Variants in DYM observed in about 807,000 individuals in gnomAD.
DYM encodes the protein dyggve-Melchior-Clausen syndrome protein.
DYM carries 78 observed loss-of-function variants against 93.1 expected under a neutral mutation model. The ratio of observed to expected loss-of-function variants is 0.84; its 90% CI spans 0.70 to 1.01. The LOEUF is 1.01. DYM is among the 50% of genes least tolerant of loss of function. DYM has a pLI of 0.00. For synonymous variants in DYM, 321 were observed against 319.7 expected (o/e 1.00, Z -0.04); for missense variants, 789 against 845.0 (o/e 0.93, Z 0.82).
intron 1 of DYM, among the ~76,000 whole-genome samples, chr18:49,432,328 T>TAA (rs1317359083): frequency 1.6e-5 from 1 of 64,158 alleles, no homozygotes. Context: ...CAAGACTGTC[T>TAA]CAAAAAAAAA....
chr18:49,102,890 C>G (rs2080332326), intron 16 of DYM, among the ~76,000 whole-genome samples: 2 of 152,162 alleles, frequency 1.3e-5, no homozygotes, highest in African/African-American at 4.8e-5. Flanking sequence ...GTGCATGTGT[C>G]TTTATAGCAG....
At chr18:49,364,460 A>G (rs1179316597) in intron 5 of DYM, among the ~76,000 whole-genome samples, 1 of 151,936 alleles carries the variant, frequency 6.6e-6, no homozygotes, top group African/African-American at 2.4e-5. Context: ...AAAAAAAGAA[A>G]GAAAGAAAGA....
chr18:49,195,233 T>A lies in DYM; in HGVS notation c.1625+14318A>T, dbSNP rs2145767140. 2.0e-5 allele frequency among the ~76,000 whole-genome samples: 3 copies of A among 152,368 alleles called. No individual in the cohort carries two copies. The East Asian group carries it at 5.8e-4, about 29-fold the overall frequency. On this transcript the variant is annotated intron_variant, in intron 14 of 17. Transcript: ENST00000675505. ...TTCAGTTCACTGTCTACTCAAAGTA[T>A]CGTGTTACTTTAAAATTAAGTTTTC... is the stretch of plus-strand genomic sequence containing the variant.
At chr18:49,341,922 TTA>T (rs1302452727) in intron 6 of DYM, among the ~76,000 whole-genome samples, 2 of 152,224 alleles carry the variant, frequency 1.3e-5, no homozygotes, top group African/African-American at 4.8e-5. Context: ...CAGCACTGTA[TTA>T]GTTTTACATT....
At position 49,369,047 on chromosome 18, in the gene DYM, C is replaced by T. The variant is rs986198958; in HGVS notation, c.422-5814G>A. ...TGCACAGGCAGAGCCTGCCAAACGGCGGTTCCCACTGGAGGGTTTCGGGCT... is the reference window on the plus strand; with the variant it reads ...TGCACAGGCAGAGCCTGCCAAACGGTGGTTCCCACTGGAGGGTTTCGGGCT... On this transcript the variant is annotated intron_variant, in intron 5 of 17. Transcript: ENST00000675505. 7.9e-5 allele frequency among the ~76,000 whole-genome samples: 12 copies of T among 152,230 alleles called. 1 individual carries two copies. The highest frequency in any genetic ancestry group is 6.5e-5 in the Admixed American group (1 of 15,292).
At chr18:49,091,298 G>C (rs2079028713) in intron 17 of DYM, among the ~76,000 whole-genome samples, 1 of 152,166 alleles carries the variant, frequency 6.6e-6, no homozygotes, top group African/African-American at 2.4e-5. Context: ...TAATTATACA[G>C]TATGCTAGAT....
At chr18:49,060,079 A>T (rs2075826385) in intron 17 of DYM, among the ~76,000 whole-genome samples, 1 of 152,198 alleles carries the variant, frequency 6.6e-6, no homozygotes, top group South Asian at 2.1e-4. Context: ...GAGAGCTAAG[A>T]TAAATGCAAA....
At chr18:49,384,494 C>T (rs369362870) in intron 3 of DYM, among the ~76,000 whole-genome samples, 9 of 151,548 alleles carry the variant, frequency 5.9e-5, no homozygotes, top group East Asian at 1.9e-4. Context: ...GGCATGGTGG[C>T]GCATGCTTGT....
intron 2 of DYM, among the ~76,000 whole-genome samples, chr18:49,420,272 A>C (rs1280932736): frequency 6.8e-6 from 1 of 147,560 alleles, no homozygotes; most frequent in Non-Finnish European, 1.5e-5. Flanking sequence ...GGTTCAAGTG[A>C]CTCTCCTGCT....
At chr18:49,334,936 T>C (rs2063553431) in intron 6 of DYM, among the ~76,000 whole-genome samples, 1 of 152,102 alleles carries the variant, frequency 6.6e-6, no homozygotes, top group Non-Finnish European at 1.5e-5. Flanking sequence ...TAAAACCCCA[T>C]CTCTGCTAAA....
At chr18:49,222,875 A>G (rs2093414441) in intron 13 of DYM, among the ~76,000 whole-genome samples, 1 of 152,168 alleles carries the variant, frequency 6.6e-6, no homozygotes, top group South Asian at 2.1e-4. Context: ...AATATATAAT[A>G]AAACCGTTTA....
chr18:49,058,351 GC>G (rs1341136153), intron 17 of DYM, among the ~76,000 whole-genome samples: 2 of 144,024 alleles, frequency 1.4e-5, no homozygotes, highest in Non-Finnish European at 3.0e-5. Flanking sequence ...GCAGGGTCTT[GC>G]TCTGTTGCTC....
intron 5 of DYM, among the ~76,000 whole-genome samples, chr18:49,374,822 G>T (rs1434962630): frequency 2.0e-5 from 3 of 152,144 alleles, no homozygotes; most frequent in African/African-American, 7.2e-5. Flanking sequence ...AACCGGGCAT[G>T]GTGGCACATG....
intron 5 of DYM, among the ~76,000 whole-genome samples, chr18:49,370,723 T>C (rs2066959787): frequency 6.6e-6 from 1 of 152,090 alleles, no homozygotes; most frequent in South Asian, 2.1e-4. Context: ...GCCAAAATCG[T>C]GCCACTGCAC....
At chr18:49,259,844 C>T (rs193296432) in intron 11 of DYM, among the ~76,000 whole-genome samples, 32 of 152,268 alleles carry the variant, frequency 2.1e-4, no homozygotes, top group Non-Finnish European at 4.1e-4. Context: ...ATCCATGCTA[C>T]TATTTTCTCC....
At chr18:49,259,021 A>C (rs2094448913) in intron 11 of DYM, among the ~76,000 whole-genome samples, 1 of 151,854 alleles carries the variant, frequency 6.6e-6, no homozygotes, top group African/African-American at 2.4e-5. Context: ...CGAGCACTAG[A>C]ACTCCCTAAT....
rs187643181 is a variant in DYM at position 49,456,034 on chromosome 18, G to A, written c.-54+4364C>T. 1.2e-3 allele frequency among the ~76,000 whole-genome samples: 185 copies of A among 151,726 alleles called. 1 individual carries two copies. Among genetic ancestry groups the A allele is most frequent in the African/African-American group, 4.4e-3 (181 of 41,380 alleles). On this transcript the variant is annotated intron_variant, in intron 1 of 17. Transcript: ENST00000675505. ...TAACAGAACTCCATTTTTTTGACCAGGCATATTCCTGTTCAACTAAGATAT... is the reference window on the plus strand; with the variant it reads ...TAACAGAACTCCATTTTTTTGACCAAGCATATTCCTGTTCAACTAAGATAT...
At position 49,195,916 on chromosome 18, in the gene DYM, CTTTTTTTTTT is replaced by C. The variant is rs540189318; in HGVS notation, c.1625+13625_1625+13634del. ...ATTATGCTCTCTTGAATGCTACCAT[CTTTTTTTTTT>C]TTTTTTTTTTTTTTTGAGACGGAGC... On this transcript the variant is annotated intron_variant, in intron 14 of 17. Transcript: ENST00000675505. 8.1e-4 allele frequency among the ~76,000 whole-genome samples: 68 copies of C among 84,038 alleles called. 2 individuals carry two copies. Among genetic ancestry groups the C allele is most frequent in the Non-Finnish European group, 1.2e-3 (57 of 48,816 alleles). The allele number at this position is 84,038 out of a possible 152,430, so 55.1% of individuals were successfully genotyped here.
At chr18:49,126,369 A>G (rs1338269745) in intron 15 of DYM, 1 of 152,214 alleles carries the variant, frequency 6.6e-6, no homozygotes, top group Non-Finnish European at 1.5e-5. Flanking sequence ...TTTCTAAGGA[A>G]AACTATCTCA....
Sources: gnomAD v4.1 joint callset for allele counts (sites outside exome capture counted in the v4.1 genomes callset) on GRCh38, gnomAD v4.1.1 for gene constraint, MANE v1.5 for transcripts, NCBI Gene and HGNC (gene_info 2026-07-23, HGNC 2026-07-21) for gene names.